ZDHHC21: variants seen among roughly 807,000 people sequenced by gnomAD.
ZDHHC21 encodes the protein zDHHC palmitoyltransferase 21.
A neutral mutation model predicts 34.6 loss-of-function variants in ZDHHC21; 15 were observed. The observed-to-expected ratio is 0.43, with a 90% CI of 0.29 to 0.67. The LOEUF is 0.67. ZDHHC21 is among the 30% of genes least tolerant of loss of function. ZDHHC21 has a pLI of 0.14. For synonymous variants in ZDHHC21, 142 were observed against 101.8 expected (o/e 1.40, Z -2.38); for missense variants, 344 against 327.7 (o/e 1.05, Z -0.38).
At chr9:14,606,392 T>C (rs529642095), downstream of ZDHHC21, among the ~76,000 whole-genome samples, 29 of 152,328 alleles carry the variant, frequency 1.9e-4, no homozygotes, top group African/African-American at 7.0e-4. Context: ...CAAAGTTATA[T>C]GTAGAGGTCC....
At chr9:14,665,366 G>A (rs1406089022) in intron 5 of ZDHHC21, among the ~76,000 whole-genome samples, 14 of 139,390 alleles carry the variant, frequency 1.0e-4, no homozygotes, top group East Asian at 2.1e-4. Context: ...CCAAATCTAC[G>A]TCTGATTGGT....
the ZDHHC21 span, among the ~76,000 whole-genome samples, chr9:14,602,222 G>A: frequency 6.6e-6 from 1 of 151,766 alleles, no homozygotes; most frequent in African/African-American, 2.4e-5. Flanking sequence ...ATTCAATAGA[G>A]AGCTTCAACA....
At chr9:14,683,073 A>G (rs1302293137) in intron 2 of ZDHHC21, among the ~76,000 whole-genome samples, 1 of 152,186 alleles carries the variant, frequency 6.6e-6, no homozygotes, top group Non-Finnish European at 1.5e-5. Context: ...AATGCCCACA[A>G]GAGAAAGCAG....
downstream of ZDHHC21, among the ~76,000 whole-genome samples, chr9:14,607,082 C>CAAAAA (rs3081725): frequency 7.9e-3 from 1,042 of 131,676 alleles, 22 homozygotes; most frequent in African/African-American, 0.028. Flanking sequence ...TTACTAATAG[C>CAAAAA]AAAAAAAAAA....
Position 14,674,453 on chromosome 9 carries a change from C to T in ZDHHC21, c.-45-68G>A, listed in dbSNP as rs1835994737. 5.1e-6 allele frequency: 5 copies of T among 986,854 alleles called. No individual in the cohort carries two copies. In the South Asian group the frequency reaches 7.4e-5, roughly 15 times the overall value. The allele number at this position is 986,854 out of a possible 1,614,324, so 61.1% of individuals were successfully genotyped here. A position where few individuals can be genotyped will look rare whatever the true frequency, so the allele number is the denominator to read the frequency against. On this transcript the variant is annotated intron_variant, in intron 3 of 9. Transcript: ENST00000380916. ...ATTTGACTAAAACCTGTATTTCTGG[C>T]AACTTTTATAAAATGACATTGAGTT...
intron 6 of ZDHHC21, among the ~76,000 whole-genome samples, chr9:14,659,204 T>C (rs538264030): frequency 5.3e-5 from 8 of 152,268 alleles, no homozygotes; most frequent in African/African-American, 1.9e-4. Flanking sequence ...GCTAAGCCTC[T>C]GGCCAGAGGA....
intron 2 of ZDHHC21, among the ~76,000 whole-genome samples, chr9:14,689,077 C>A (rs970941806): frequency 5.9e-5 from 9 of 152,080 alleles, no homozygotes; most frequent in Non-Finnish European, 5.9e-5. Flanking sequence ...ACAAGAACAA[C>A]AAAAAATGCC....
At chr9:14,607,626 GC>G, downstream of ZDHHC21, among the ~76,000 whole-genome samples, 2 of 151,716 alleles carry the variant, frequency 1.3e-5, no homozygotes, top group African/African-American at 4.8e-5. Context: ...TGGGCTGGGG[GC>G]GGGGGGGAAG....
At chr9:14,655,602 A>G (rs1449509850) in intron 7 of ZDHHC21, among the ~76,000 whole-genome samples, 3 of 151,940 alleles carry the variant, frequency 2.0e-5, no homozygotes, top group Admixed American at 6.6e-5. Flanking sequence ...TAGGTGCACA[A>G]TGGTAAAGTA....
intron 8 of ZDHHC21, among the ~76,000 whole-genome samples, chr9:14,620,594 C>T (rs959988856): frequency 2.0e-5 from 3 of 151,968 alleles, no homozygotes; most frequent in African/African-American, 7.2e-5. Flanking sequence ...CATGCAAACT[C>T]TTGCAGCTAC....
intron 5 of ZDHHC21, among the ~76,000 whole-genome samples, chr9:14,667,729 A>C (rs1834729735): frequency 1.3e-5 from 1 of 78,350 alleles, no homozygotes; most frequent in Non-Finnish European, 2.6e-5. Flanking sequence ...CCAGCATATA[A>C]ACAGAACCAA....
intron 8 of ZDHHC21, among the ~76,000 whole-genome samples, chr9:14,632,436 C>T (rs1407891940): frequency 6.6e-6 from 1 of 151,762 alleles, no homozygotes; most frequent in Non-Finnish European, 1.5e-5. Context: ...ACACAATGTA[C>T]AAAAATTAGC....
At chr9:14,693,068 G>A (rs1034659972) in intron 1 of ZDHHC21, among the ~76,000 whole-genome samples, 161 bp downstream of exon 1, 4 of 151,260 alleles carry the variant, frequency 2.6e-5, no homozygotes, top group Non-Finnish European at 4.4e-5. Context: ...GTTCCAAACA[G>A]AGCAGGTGCA....
In ZDHHC21 at chr9:14,693,419, G is replaced by A. The variant is rs112977053; in HGVS notation, c.-415C>T. ...TGTCCGCATGCCCGCGCGCCCGCGT[G>A]GGGAGGGACGACTGCCGCCGTCGCC... On this transcript the variant is annotated 5_prime_UTR_variant, in exon 1 of 10. Coordinates refer to ENST00000380916, the MANE Select transcript of ZDHHC21 (RefSeq NM_178566.6). 2 of 282,776 alleles carry A rather than the reference G, an allele frequency of 7.1e-6. No individual in the cohort carries two copies. The highest frequency in any genetic ancestry group is 1.4e-5 in the Non-Finnish European group (2 of 145,566). The allele number at this position is 282,776 out of a possible 1,614,324, so 17.5% of individuals were successfully genotyped here.
intron 5 of ZDHHC21, among the ~76,000 whole-genome samples, chr9:14,669,573 T>A (rs1238851741): frequency 6.7e-6 from 1 of 149,662 alleles, no homozygotes; most frequent in African/African-American, 2.5e-5. Flanking sequence ...ATTGCAGCAT[T>A]ATTCACAATA....
the ZDHHC21 span, among the ~76,000 whole-genome samples, chr9:14,595,472 G>A: frequency 6.6e-6 from 1 of 152,112 alleles, no homozygotes; most frequent in African/African-American, 2.4e-5. Context: ...ATCTATAAAA[G>A]CATATTAGTG....
chr9:14,608,289 T>C (rs888424337), downstream of ZDHHC21, among the ~76,000 whole-genome samples: 1 of 152,198 alleles, frequency 6.6e-6, no homozygotes, highest in Non-Finnish European at 1.5e-5. Context: ...CATTCAGTTA[T>C]GGCCAGTAGC....
intron 8 of ZDHHC21, among the ~76,000 whole-genome samples, chr9:14,633,751 AC>A (rs1412236029): frequency 6.6e-6 from 1 of 151,746 alleles, no homozygotes; most frequent in African/African-American, 2.4e-5. Context: ...CCAATGTCAA[AC>A]CCCCACCCAC....
intron 7 of ZDHHC21, among the ~76,000 whole-genome samples, chr9:14,648,699 A>C: frequency 6.6e-6 from 1 of 152,116 alleles, no homozygotes; most frequent in East Asian, 1.9e-4. Flanking sequence ...CCTTAAACAC[A>C]GGAACTTTGT....
Sources: gnomAD v4.1 joint callset for allele counts (sites outside exome capture counted in the v4.1 genomes callset) on GRCh38, gnomAD v4.1.1 for gene constraint, MANE v1.5 for transcripts, NCBI Gene and HGNC (gene_info 2026-07-23, HGNC 2026-07-21) for gene names.